Variants in DENND10 observed in about 807,000 individuals in gnomAD.
The protein encoded by DENND10 is DENN domain containing 10.
In DENND10, 24 loss-of-function variants were observed where a neutral mutation model predicts 43.6. The observed-to-expected ratio is 0.55, with a 90% CI of 0.40 to 0.77. The LOEUF (loss-of-function observed/expected upper bound fraction) is 0.77. DENND10 is among the 30% of genes least tolerant of loss of function. The pLI, the probability that DENND10 is intolerant of heterozygous loss-of-function variation, is 0.00. For synonymous variants in DENND10, 125 were observed against 157.6 expected (o/e 0.79, Z 1.55); for missense variants, 303 against 429.9 (o/e 0.70, Z 2.61).
rs147160791 is a variant in DENND10 at position 119,129,150 on chromosome 10, C to G, written c.695-365C>G. Among the ~76,000 whole-genome samples, 412 of 152,282 alleles carry G rather than the reference C, an allele frequency of 2.7e-3. 2 individuals carry two copies. Among genetic ancestry groups the G allele is most frequent in the Non-Finnish European group, 4.4e-3 (300 of 68,026 alleles). On this transcript the variant is annotated intron_variant, in intron 6 of 8. Transcript: ENST00000361432. ...TGATGCCATTTCCACTCTGAGAACC[C>G]AGGCATTTGCCATTGATTTCCTGAA...
At chr10:119,112,031 C>T (rs1162966617) in intron 3 of DENND10, 103 bp downstream of exon 3, 42 of 845,308 alleles carry the variant, frequency 5.0e-5, no homozygotes, top group Non-Finnish European at 7.9e-5. Flanking sequence ...AGCCTTGTGT[C>T]TCCCCAGCAT....
At chr10:119,123,748 G>A (rs2133503014) in intron 6 of DENND10, among the ~76,000 whole-genome samples, 179 bp downstream of exon 6, 1 of 152,002 alleles carries the variant, frequency 6.6e-6, no homozygotes, top group South Asian at 2.1e-4. Context: ...ACAGGCATGT[G>A]CCACCACGCC....
intron 3 of DENND10, among the ~76,000 whole-genome samples, chr10:119,112,746 T>C (rs1845037873): frequency 6.6e-6 from 1 of 152,084 alleles, no homozygotes; most frequent in Non-Finnish European, 1.5e-5. Context: ...CTGCTCATGT[T>C]GGCCTCCCAA....
intron 6 of DENND10, among the ~76,000 whole-genome samples, chr10:119,125,507 T>C (rs1473387331): frequency 1.2e-4 from 15 of 122,590 alleles, no homozygotes; most frequent in Middle Eastern, 3.7e-3. Flanking sequence ...TTTTCTTTTT[T>C]TTTTTTTTTT....
At chr10:119,123,955 G>A (rs1201327535) in intron 6 of DENND10, among the ~76,000 whole-genome samples, 1 of 151,324 alleles carries the variant, frequency 6.6e-6, no homozygotes, top group Non-Finnish European at 1.5e-5. Flanking sequence ...ACTTTGGGAG[G>A]CCAAGGTGGG....
intron 6 of DENND10, among the ~76,000 whole-genome samples, chr10:119,124,186 T>C (rs1290308466): frequency 1.4e-5 from 2 of 139,072 alleles, no homozygotes; most frequent in Non-Finnish European, 3.1e-5. Context: ...AGAGCAAAAC[T>C]CCGTCTCAAA....
rs1846117658 is a variant in DENND10 at position 119,132,163 on chromosome 10, C to T, written c.803-352C>T. On this transcript the variant is annotated intron_variant, in intron 7 of 8. Coordinates refer to ENST00000361432, the MANE Select transcript of DENND10 (RefSeq NM_207009.4). The surrounding 1 kb of genome is among the most constrained non-coding windows in gnomAD (Gnocchi z 4.2). ...AGATACATTTCTTAACTGTAAAGAG[C>T]TGGACTAGAACGTCAGACTCTTGGC... Among the ~76,000 whole-genome samples, 1 of 152,174 alleles carries T rather than the reference C, an allele frequency of 6.6e-6. No homozygotes were observed. Among genetic ancestry groups the T allele is most frequent in the Admixed American group, 6.5e-5 (1 of 15,278 alleles).
At chr10:119,110,831 G>A (rs1355692681) in intron 2 of DENND10, among the ~76,000 whole-genome samples, 1 of 152,142 alleles carries the variant, frequency 6.6e-6, no homozygotes, top group Non-Finnish European at 1.5e-5. Context: ...GGTTGTTACT[G>A]AGATGTATTT....
At chr10:119,124,802 C>T (rs1046786895) in intron 6 of DENND10, among the ~76,000 whole-genome samples, 2 of 152,064 alleles carry the variant, frequency 1.3e-5, no homozygotes, top group Non-Finnish European at 2.9e-5. Context: ...TGGCTCACAC[C>T]TGTAATCCCA....
intron 4 of DENND10, 37 bp downstream of exon 4, chr10:119,117,704 A>G (rs983866126): frequency 6.2e-7 from 1 of 1,607,292 alleles, no homozygotes; most frequent in Admixed American, 1.7e-5. Context: ...ACGGTGGCTC[A>G]CGCCTGTAAT....
chr10:119,114,470 G>A (rs1388070967), intron 3 of DENND10: 1 of 152,254 alleles, frequency 6.6e-6, no homozygotes, highest in Admixed American at 6.5e-5. Flanking sequence ...CTATGTGGCT[G>A]CAGGTTCACT....
chr10:119,111,192 C>T (rs1844954273), intron 2 of DENND10, among the ~76,000 whole-genome samples: 2 of 148,332 alleles, frequency 1.3e-5, no homozygotes, highest in South Asian at 4.3e-4. Flanking sequence ...TGCTTGAACC[C>T]GGGAGGCAGA....
intron 3 of DENND10, among the ~76,000 whole-genome samples, chr10:119,113,895 G>A (rs964734305): frequency 6.6e-6 from 1 of 152,158 alleles, no homozygotes; most frequent in Non-Finnish European, 1.5e-5. Flanking sequence ...CACAAAGGGA[G>A]ATTATTATTG....
intron 1 of DENND10, among the ~76,000 whole-genome samples, chr10:119,107,541 T>A (rs1844755198): frequency 6.6e-6 from 1 of 151,790 alleles, no homozygotes; most frequent in Non-Finnish European, 1.5e-5. Flanking sequence ...GTAGCTGGGA[T>A]TACAGGCATG....
At chr10:119,110,747 G>A (rs1288987356) in intron 2 of DENND10, among the ~76,000 whole-genome samples, 5 of 152,028 alleles carry the variant, frequency 3.3e-5, no homozygotes, top group African/African-American at 1.2e-4. Context: ...GAGCCATCAT[G>A]CCCAGCCAAA....
intron 4 of DENND10, 152 bp downstream of exon 4, chr10:119,117,819 T>G: frequency 1.5e-6 from 1 of 675,598 alleles, no homozygotes; most frequent in Non-Finnish European, 2.3e-6. Context: ...TACAAAAAAT[T>G]AGCCGGGCGT....
At chr10:119,106,950 T>G (rs1043485713) in intron 1 of DENND10, among the ~76,000 whole-genome samples, 1 of 152,106 alleles carries the variant, frequency 6.6e-6, no homozygotes, top group African/African-American at 2.4e-5. Context: ...CTCGGGAGGC[T>G]GAAGCAGGAG....
At chr10:119,120,934 C>A (rs1052153507) in intron 5 of DENND10, among the ~76,000 whole-genome samples, 1 of 151,846 alleles carries the variant, frequency 6.6e-6, no homozygotes, top group African/African-American at 2.4e-5. Flanking sequence ...AGTTTTAGAG[C>A]AGGACAAAGA....
At position 119,132,686 on chromosome 10, in the gene DENND10, T is replaced by A; in HGVS notation, c.897+77T>A. On this transcript the variant is annotated intron_variant, in intron 8 of 8. Coordinates refer to ENST00000361432, the MANE Select transcript of DENND10 (RefSeq NM_207009.4). The surrounding 1 kb of genome is among the most constrained non-coding windows in gnomAD (Gnocchi z 4.2). ...GTGGTGTGCGGCAGAGCTGTGCACA[T>A]AAGCAGAGTGGGGGGCTGTGGTAGA... 2 of 1,189,862 alleles carry A rather than the reference T, an allele frequency of 1.7e-6. No individual in the cohort carries two copies. The highest frequency in any genetic ancestry group is 2.5e-6 in the Non-Finnish European group (2 of 793,604). 73.7% of individuals were successfully genotyped at this position (1,189,862 alleles called of 1,614,324 possible).
Sources: allele counts gnomAD v4.1 joint callset (sites outside exome capture counted in the v4.1 genomes callset), GRCh38; gene constraint gnomAD v4.1.1; non-coding constraint Gnocchi (gnomAD v3.1); transcripts MANE v1.5; gene names NCBI Gene and HGNC (gene_info 2026-07-23, HGNC 2026-07-21).